SLTM: variants seen among roughly 807,000 people sequenced by gnomAD.
The protein encoded by SLTM is SAFB-like transcription modulator.
In SLTM, 43 loss-of-function variants were observed where a neutral mutation model predicts 134.6. The observed-to-expected ratio is 0.32, with a 90% CI of 0.25 to 0.41. SLTM has a LOEUF of 0.41. Among genes scored for constraint, SLTM ranks in the 10% least tolerant of loss-of-function variants. The probability of loss-of-function intolerance (pLI) is 1.00; values close to 1 mark genes in which losing one functional copy is unlikely to be tolerated. For missense variants in SLTM, 1,055 were observed against 1,288.8 expected (o/e 0.82, Z 2.78); for synonymous variants, 424 against 432.3 (o/e 0.98, Z 0.24).
At chr15:58,880,254 A>C in intron 20 of SLTM, 147 bp from the exon 21 acceptor site, 3 of 1,071,012 alleles carry the variant, frequency 2.8e-6, no homozygotes, top group Non-Finnish European at 3.7e-6. Context: ...TGCTAACCCC[A>C]CTTTACTGAA....
chr15:58,894,703 ATGTT>A, intron 9 of SLTM, 121 bp from the exon 10 acceptor site: 1 of 678,756 alleles, frequency 1.5e-6, no homozygotes, highest in Non-Finnish European at 2.2e-6. Flanking sequence ...ATTCTGTCTC[ATGTT>A]TTTTTTTTTT....
intron 2 of SLTM, among the ~76,000 whole-genome samples, chr15:58,927,866 A>G (rs573454699): frequency 3.3e-5 from 5 of 152,242 alleles, no homozygotes; most frequent in Non-Finnish European, 7.3e-5. Flanking sequence ...ACAGTACACT[A>G]TGATACTGTG....
chr15:58,892,101 T>C (rs2034683747), intron 14 of SLTM, among the ~76,000 whole-genome samples: 1 of 152,234 alleles, frequency 6.6e-6, no homozygotes. Context: ...GTATCTCTGG[T>C]AGTTCCTAAC....
chr15:58,904,239 G>A (rs1464198674), intron 5 of SLTM, among the ~76,000 whole-genome samples: 1 of 151,998 alleles, frequency 6.6e-6, no homozygotes, highest in Non-Finnish European at 1.5e-5. Flanking sequence ...TCGAACTCCT[G>A]AGCCCAGGTG....
chr15:58,930,990 C>G (rs961491905), intron 2 of SLTM, among the ~76,000 whole-genome samples: 1 of 152,024 alleles, frequency 6.6e-6, no homozygotes, highest in Non-Finnish European at 1.5e-5. Flanking sequence ...ATGATTAATA[C>G]ACAGTACCTG....
Position 58,933,677 on chromosome 15 carries a change from A to C in SLTM, c.-112T>G. On this transcript the variant is annotated 5_prime_UTR_variant, in exon 1 of 21. The change creates a new upstream start codon in the 5' untranslated region. Coordinates refer to ENST00000380516, the MANE Select transcript of SLTM (RefSeq NM_024755.4). Reference sequence around the variant, plus strand: ...GCCGGCGCCGCGCAGCGCTGCGCACAATGAGCCGCTGGCCCCTCCCCCGGT... The same window carrying C: ...GCCGGCGCCGCGCAGCGCTGCGCACCATGAGCCGCTGGCCCCTCCCCCGGT... The C allele has an allele frequency of 3.0e-6, 4 of 1,312,886 alleles. No homozygotes were observed. Among genetic ancestry groups the C allele is most frequent in the Non-Finnish European group, 3.9e-6 (4 of 1,032,704 alleles). 81.3% of individuals were successfully genotyped at this position (1,312,886 alleles called of 1,614,324 possible). A position where few individuals can be genotyped will look rare whatever the true frequency, so the allele number is the denominator to read the frequency against.
At chr15:58,906,591 G>A (rs2035882227) in intron 5 of SLTM, among the ~76,000 whole-genome samples, 1 of 152,148 alleles carries the variant, frequency 6.6e-6, no homozygotes, top group Admixed American at 6.5e-5. Context: ...ACATGTATAG[G>A]CTAAGCAAGA....
chr15:58,902,031 G>A (rs2141041459), intron 5 of SLTM, among the ~76,000 whole-genome samples: 1 of 152,218 alleles, frequency 6.6e-6, no homozygotes, highest in Non-Finnish European at 1.5e-5. Context: ...ATATTTGACA[G>A]TTTGGCTAAA....
chr15:58,898,856 A>C lies in SLTM; in HGVS notation c.1059-4T>G. On this transcript the variant is annotated splice_region_variant and splice_polypyrimidine_tract_variant and intron_variant, in intron 7 of 20. Transcript: ENST00000380516. ...GTCTTTAGATTCCTTTGAAGAGCTA[A>C]AGAGGCAAATCACCAGAAGAAAATT... The C allele has an allele frequency of 6.2e-7, 1 of 1,606,466 alleles. No homozygotes were observed. Among genetic ancestry groups the C allele is most frequent in the Non-Finnish European group, 8.5e-7 (1 of 1,176,748 alleles).
At chr15:58,932,624 G>C (rs951510043) in intron 1 of SLTM, among the ~76,000 whole-genome samples, 181 bp from the exon 2 acceptor site, 2 of 152,002 alleles carry the variant, frequency 1.3e-5, no homozygotes, top group East Asian at 1.9e-4. Flanking sequence ...AACTTTCAGG[G>C]GAAAAAAATC....
rs1352781204 is a variant in SLTM at position 58,887,067 on chromosome 15, C to G, written c.2743G>C (p.Gly915Arg). 6.2e-7 allele frequency: 1 copy of G among 1,613,890 alleles called. No homozygotes were observed. Residue 915 changes from glycine (G) to arginine (R), a missense_variant, in exon 19 of 21, where the codon GGC becomes CGC. By Grantham distance (125) the Gly-to-Arg change is moderately radical (BLOSUM62 -2). Transcript: ENST00000380516. ...GREVSGHSVR[G>R]APPGNRSSAS... is the part of the protein sequence containing the mutation. ...CTGCTACGATTCCCAGGGGGAGCGC[C>G]TCTCACACTGTGCCCTGATACTTCT...
chr15:58,909,545 T>C (rs2036109783), intron 5 of SLTM, among the ~76,000 whole-genome samples: 1 of 152,210 alleles, frequency 6.6e-6, no homozygotes, highest in African/African-American at 2.4e-5. Flanking sequence ...AGAAGAATGA[T>C]AGAATTAGAA....
chr15:58,927,910 A>G (rs1180898213), intron 2 of SLTM, among the ~76,000 whole-genome samples: 8 of 152,232 alleles, frequency 5.3e-5, no homozygotes, highest in Non-Finnish European at 1.5e-5. Context: ...GCTGATTACT[A>G]CATTTAATTG....
chr15:58,912,200 T>C (rs2036322635), intron 5 of SLTM, among the ~76,000 whole-genome samples: 1 of 151,458 alleles, frequency 6.6e-6, no homozygotes, highest in South Asian at 2.1e-4. Context: ...CCTGCGTTCA[T>C]GCCATTCTCC....
intron 5 of SLTM, among the ~76,000 whole-genome samples, chr15:58,903,224 G>A (rs1201476204): frequency 2.0e-5 from 3 of 151,962 alleles, no homozygotes; most frequent in Non-Finnish European, 4.4e-5. Context: ...TAGTAGAGAC[G>A]GGGTTTCACC....
At chr15:58,925,102 T>C (rs1595942421) in intron 2 of SLTM, among the ~76,000 whole-genome samples, 2 of 148,872 alleles carry the variant, frequency 1.3e-5, no homozygotes, top group Non-Finnish European at 3.0e-5. Context: ...AGCTTAGTTA[T>C]AAAATTTCTG....
Position 58,899,499 on chromosome 15 carries a change from G to A in SLTM, c.1028C>T (p.Ser343Leu), listed in dbSNP as rs267604274. ...TGCTTGACCAGAGGCCCCAGTAGAC[G>A]AGGGCCCTTTCTTCAAAGTATCCTT... ...KEKDTLKKGP[S>L]STGASGQAKS... Residue 343 changes from serine to leucine, a missense_variant, in exon 7 of 21, where the codon TCG becomes TTG. This residue lies in a region of SLTM where 776 missense variants were observed against 962.2 expected (regional missense o/e 0.81). Coordinates refer to ENST00000380516, the MANE Select transcript of SLTM (RefSeq NM_024755.4). This position sits in a 1 kb window ranked among gnomAD's most constrained non-coding sequence, Gnocchi z 5.0. 1.1e-5 allele frequency: 18 copies of A among 1,613,858 alleles called. No individual in the cohort carries two copies. The highest frequency in any genetic ancestry group is 7.7e-5 in the South Asian group (7 of 91,076).
chr15:58,892,778 C>G, intron 14 of SLTM, 119 bp downstream of exon 14: 1 of 1,034,646 alleles, frequency 9.7e-7, no homozygotes, highest in South Asian at 1.4e-5. Flanking sequence ...GCTACCGTAA[C>G]TTCTTTAAGG....
chr15:58,915,778 CAT>C (rs1830819564), intron 3 of SLTM, among the ~76,000 whole-genome samples: 1 of 152,006 alleles, frequency 6.6e-6, no homozygotes, highest in South Asian at 2.1e-4. Context: ...GGTAAATGAA[CAT>C]GAGCTGACTC....
Sources: allele counts gnomAD v4.1 joint callset (sites outside exome capture counted in the v4.1 genomes callset), GRCh38; gene constraint gnomAD v4.1.1; regional missense constraint gnomAD v4.1.1; non-coding constraint Gnocchi (gnomAD v3.1); transcripts MANE v1.5; gene names NCBI Gene and HGNC (gene_info 2026-07-23, HGNC 2026-07-21).